Variants in FRMD5 observed in about 807,000 individuals in gnomAD.
FRMD5 encodes FERM domain-containing protein 5.
A neutral mutation model predicts 69.0 loss-of-function variants in FRMD5; 20 were observed. The observed-to-expected ratio is 0.29, with a 90% CI of 0.20 to 0.42. The LOEUF (loss-of-function observed/expected upper bound fraction) is 0.42. FRMD5 is among the 10% of genes least tolerant of loss of function. FRMD5 has a pLI of 1.00. For missense variants in FRMD5, 595 were observed against 708.6 expected, an observed-to-expected ratio of 0.84 and a Z score of 1.82; for synonymous variants, 271 against 260.1, an observed-to-expected ratio of 1.04 and a Z score of -0.40.
intron 1 of FRMD5, among the ~76,000 whole-genome samples, chr15:44,095,114 G>A (rs1273320940): frequency 2.6e-5 from 4 of 151,750 alleles, no homozygotes; most frequent in African/African-American, 7.3e-5. Context: ...CAGATTCCAC[G>A]AGTCCATCTG....
upstream of FRMD5, among the ~76,000 whole-genome samples, chr15:44,198,974 G>T (rs1486919210): frequency 8.5e-5 from 13 of 152,082 alleles, no homozygotes. Flanking sequence ...TCTACTATGA[G>T]GGAGTCCCCA....
At chr15:44,016,447 G>A (rs189085565) in intron 1 of FRMD5, among the ~76,000 whole-genome samples, 100 of 152,270 alleles carry the variant, frequency 6.6e-4, no homozygotes, top group African/African-American at 2.4e-3. Context: ...TGGAGGTTGG[G>A]CGCAGTGGTT....
At chr15:44,061,337 T>C (rs1428471417) in intron 1 of FRMD5, among the ~76,000 whole-genome samples, 4 of 152,230 alleles carry the variant, frequency 2.6e-5, no homozygotes, top group Admixed American at 1.3e-4. Flanking sequence ...GGAGAGATTA[T>C]GGTTTCAGTC....
intron 6 of FRMD5, among the ~76,000 whole-genome samples, chr15:43,905,559 CCT>C (rs1161156888): frequency 6.6e-6 from 1 of 152,176 alleles, no homozygotes; most frequent in African/African-American, 2.4e-5. Flanking sequence ...AAGGCCAATC[CCT>C]CTCTGTTTCC....
intron 1 of FRMD5, among the ~76,000 whole-genome samples, chr15:44,127,528 A>G (rs2077040205): frequency 6.6e-6 from 1 of 152,136 alleles, no homozygotes; most frequent in African/African-American, 2.4e-5. Context: ...CTACTGTACA[A>G]TCTCAACTTC....
intron 1 of FRMD5, among the ~76,000 whole-genome samples, chr15:43,999,745 T>C (rs956812256): frequency 2.0e-5 from 3 of 151,934 alleles, no homozygotes; most frequent in African/African-American, 4.8e-5. Context: ...TTGTCACAAA[T>C]GGCAAGACTT....
chr15:43,978,672 C>T (rs1156383047), intron 1 of FRMD5, among the ~76,000 whole-genome samples: 2 of 152,172 alleles, frequency 1.3e-5, no homozygotes, highest in African/African-American at 4.8e-5. Context: ...CTGCCTCAGC[C>T]TCCCAAGTAG....
At chr15:44,061,766 G>T (rs1197684501) in intron 1 of FRMD5, among the ~76,000 whole-genome samples, 1 of 152,158 alleles carries the variant, frequency 6.6e-6, no homozygotes, top group Non-Finnish European at 1.5e-5. Context: ...CCTTTGTCAT[G>T]GTCTTTTCTA....
Position 44,120,533 on chromosome 15 carries a change from A to ATT in FRMD5, c.102+74418_102+74419dup, listed in dbSNP as rs397961745. On this transcript the variant is annotated intron_variant, in intron 1 of 13. Transcript: ENST00000417257. The stretch of plus-strand genomic sequence containing the variant: ...AAGTAGGGATTATTGGGAAGAGTGG[A>ATT]TTTTTTTTTTTTTTTTTTGAGACGG... 5.7e-4 allele frequency among the ~76,000 whole-genome samples: 78 copies of ATT among 137,832 alleles called. 9 individuals are homozygous for ATT. The highest frequency in any genetic ancestry group is 1.6e-3 in the African/African-American group (58 of 37,228). The allele number at this position is 137,832 out of a possible 152,430, so 90.4% of individuals were successfully genotyped here.
At chr15:43,931,226 A>C (rs2089668964) in intron 1 of FRMD5, among the ~76,000 whole-genome samples, 1 of 152,216 alleles carries the variant, frequency 6.6e-6, no homozygotes, top group African/African-American at 2.4e-5. Flanking sequence ...TGATTGAATA[A>C]ATTTTAGTTG....
intron 1 of FRMD5, among the ~76,000 whole-genome samples, chr15:43,934,887 G>A (rs1357251661): frequency 6.6e-6 from 1 of 152,222 alleles, no homozygotes; most frequent in Non-Finnish European, 1.5e-5. Context: ...TCTGGCTGGG[G>A]TGAGGGTGGG....
chr15:44,017,349 A>C (rs1192361651), intron 1 of FRMD5, among the ~76,000 whole-genome samples: 2 of 151,964 alleles, frequency 1.3e-5, no homozygotes, highest in South Asian at 2.1e-4. Flanking sequence ...GAAAAAAAAA[A>C]ACAAAAACCA....
intron 1 of FRMD5, among the ~76,000 whole-genome samples, chr15:43,992,957 T>C (rs1889757298): frequency 6.6e-6 from 1 of 152,196 alleles, no homozygotes; most frequent in Non-Finnish European, 1.5e-5. Flanking sequence ...TGGTATTTTG[T>C]ATTCTATTTT....
intron 1 of FRMD5, among the ~76,000 whole-genome samples, chr15:43,981,906 T>C (rs1425270855): frequency 6.6e-6 from 1 of 152,242 alleles, no homozygotes; most frequent in East Asian, 1.9e-4. Flanking sequence ...TCCCCCACTT[T>C]TCTGCCATAT....
At chr15:44,119,992 CATA>C (rs1422179528) in intron 1 of FRMD5, among the ~76,000 whole-genome samples, 2 of 151,994 alleles carry the variant, frequency 1.3e-5, no homozygotes, top group African/African-American at 4.8e-5. Flanking sequence ...TGTGCAAAAG[CATA>C]ATAAGCAATA....
At chr15:43,981,405 G>A (rs946998356) in intron 1 of FRMD5, among the ~76,000 whole-genome samples, 1 of 152,174 alleles carries the variant, frequency 6.6e-6, no homozygotes, top group African/African-American at 2.4e-5. Flanking sequence ...CTTTATCCTT[G>A]TCTTCATGTT....
chr15:43,947,456 T>C (rs1048497493), intron 1 of FRMD5, among the ~76,000 whole-genome samples: 1 of 152,226 alleles, frequency 6.6e-6, no homozygotes, highest in Non-Finnish European at 1.5e-5. Flanking sequence ...GGGTATGGCT[T>C]TATAAAAAGC....
chr15:43,971,778 C>T (rs2140579560), intron 1 of FRMD5, among the ~76,000 whole-genome samples: 1 of 151,488 alleles, frequency 6.6e-6, no homozygotes, highest in African/African-American at 2.4e-5. Context: ...GCAACCTCAG[C>T]TCACTGCAAC....
At chr15:44,102,188 T>C (rs1376153856) in intron 1 of FRMD5, among the ~76,000 whole-genome samples, 1 of 152,220 alleles carries the variant, frequency 6.6e-6, no homozygotes, top group African/African-American at 2.4e-5. Flanking sequence ...GAGAATACTC[T>C]GATTAGAGAA....
Sources: gnomAD v4.1 joint callset for allele counts (sites outside exome capture counted in the v4.1 genomes callset) on GRCh38, gnomAD v4.1.1 for gene constraint, MANE v1.5 for transcripts, NCBI Gene and HGNC (gene_info 2026-07-23, HGNC 2026-07-21) for gene names.